The following GSN variants were observed in gnomAD, a reference collection of about 807,000 sequenced individuals.
The protein encoded by GSN is gelsolin.
A neutral mutation model predicts 85.7 loss-of-function variants in GSN; 56 were observed. The ratio of observed to expected loss-of-function variants is 0.65; its 90% confidence interval spans 0.53 to 0.82. The LOEUF is 0.82. Ranked by LOEUF, GSN falls within the 40% of genes least tolerant of loss-of-function variation. GSN has a pLI of 0.00. For missense variants in GSN, 857 were observed against 979.8 expected (o/e 0.87, Z 1.67); for synonymous variants, 373 against 399.1 (o/e 0.93, Z 0.78).
chr9:121,293,884 C>A (rs1013448373), intron 2 of GSN, among the ~76,000 whole-genome samples: 1 of 152,120 alleles, frequency 6.6e-6, no homozygotes, highest in African/African-American at 2.4e-5. Flanking sequence ...TAAATTCACA[C>A]AACTACCCTA....
rs1189233008 is a variant in GSN, at chr9:121,318,723, G to GCTT, written c.1034_1035insCTT (p.Trp345delinsCysLeu). On this transcript the variant is annotated protein_altering_variant, in exon 10 of 18. Coordinates refer to ENST00000432226, the MANE Select transcript of GSN (RefSeq NM_198252.3). The surrounding 1 kb of genome is among the most constrained non-coding windows in gnomAD (Gnocchi z 4.3). ...CTGTTCAAGCAGTTCTTCAAGAACT[G>GCTT]GCGGGACCCAGACCAGACAGATGGC... is the stretch of plus-strand genomic sequence containing the variant. 11 of 1,613,970 alleles carry GCTT rather than the reference G, an allele frequency of 6.8e-6. No homozygotes were observed. Among genetic ancestry groups the GCTT allele is most frequent in the Non-Finnish European group, 8.5e-6 (10 of 1,179,950 alleles).
Position 121,316,936 on chromosome 9 carries a change from G to A in GSN, c.754-150G>A, listed in dbSNP as rs529803300. ...ATGTGGTTCTGACAAAGCAGAAAAC[G>A]AAAAAGAACCTCTAAATGTGTGCGA... On this transcript the variant is annotated intron_variant, in intron 7 of 17. Transcript: ENST00000432226. 115 of 938,038 alleles carry A rather than the reference G, an allele frequency of 1.2e-4. No homozygotes were observed. The South Asian group carries it at 1.3e-3, about 11-fold the overall frequency. The allele number at this position is 938,038 out of a possible 1,614,324, so 58.1% of individuals were successfully genotyped here.
chr9:121,287,910 G>A (rs1300779372), intron 2 of GSN, among the ~76,000 whole-genome samples: 1 of 151,980 alleles, frequency 6.6e-6, no homozygotes, highest in Non-Finnish European at 1.5e-5. Context: ...ACACCCCATA[G>A]CTGACCACGC....
intron 5 of GSN, chr9:121,238,947 G>C: frequency 1.9e-6 from 1 of 536,124 alleles, no homozygotes; most frequent in South Asian, 1.4e-5. Flanking sequence ...CAGACTTCAT[G>C]AACAGTGATA....
intron 6 of GSN, among the ~76,000 whole-genome samples, chr9:121,253,697 C>T (rs1021334790): frequency 6.6e-6 from 1 of 151,792 alleles, no homozygotes; most frequent in African/African-American, 2.4e-5. Flanking sequence ...CAGGAATAGG[C>T]GGTTCTCTCT....
chr9:121,239,552 G>T, intron 5 of GSN: 1 of 283,840 alleles, frequency 3.5e-6, no homozygotes, highest in Non-Finnish European at 7.0e-6. Flanking sequence ...CCCAGCAGCA[G>T]AGAAGATAAA....
Position 121,234,713 on chromosome 9 carries a change from G to A in GSN, c.-389+3410G>A, listed in dbSNP as rs186644897. ...AAAAATAAATGTAGGGTTGGGCATG[G>A]TGCCTCATACCTGTAATCCGAGCAC... On this transcript the variant is annotated intron_variant, in intron 5 of 24. Coordinates refer to the GSN transcript ENST00000373823. Among the ~76,000 whole-genome samples, 15 of 152,326 alleles carry A rather than the reference G, an allele frequency of 9.8e-5. No homozygotes were observed. The East Asian group carries it at 2.9e-3, about 29-fold the overall frequency.
chr9:121,238,751 A>G (rs1243679509), intron 5 of GSN: 1 of 462,244 alleles, frequency 2.2e-6, no homozygotes, highest in Non-Finnish European at 4.4e-6. Flanking sequence ...TGTGATTTTC[A>G]TGAGGACCCT....
At chr9:121,281,159 A>G (rs1052285210) in intron 1 of GSN, 1 of 165,818 alleles carries the variant, frequency 6.0e-6, no homozygotes. Flanking sequence ...CCAAAGAGCC[A>G]TCAGGAAAGA....
At chr9:121,235,652 C>T (rs973791100) in intron 5 of GSN, among the ~76,000 whole-genome samples, 1 of 152,174 alleles carries the variant, frequency 6.6e-6, no homozygotes, top group Non-Finnish European at 1.5e-5. Flanking sequence ...TCTTCTGCAT[C>T]GGTGCAGCTG....
intron 6 of GSN, among the ~76,000 whole-genome samples, chr9:121,253,822 CT>C (rs1168058098): frequency 1.3e-5 from 2 of 152,186 alleles, no homozygotes; most frequent in Non-Finnish European, 2.9e-5. Flanking sequence ...TGAAACCCTT[CT>C]TTGCTGGTTC....
intron 2 of GSN, chr9:121,282,891 A>T (rs748745639): frequency 8.4e-5 from 19 of 226,374 alleles, no homozygotes; most frequent in Non-Finnish European, 1.5e-4. Context: ...GCTGGCATAG[A>T]CCCAGCTGAG....
intron 4 of GSN, among the ~76,000 whole-genome samples, chr9:121,214,556 A>G (rs116180846): frequency 1.3e-5 from 2 of 152,308 alleles, no homozygotes; most frequent in African/African-American, 2.4e-5. Context: ...ATCCTCTTTC[A>G]TGAAGTAAGG....
intron 2 of GSN, chr9:121,286,584 C>T (rs1374931760): frequency 1.3e-6 from 2 of 1,482,284 alleles, no homozygotes; most frequent in Admixed American, 2.2e-5. Flanking sequence ...ATGGGTGCTC[C>T]CTCCTTTGTG....
chr9:121,259,421 G>T (rs1203371852), intron 6 of GSN, among the ~76,000 whole-genome samples: 1 of 152,172 alleles, frequency 6.6e-6, no homozygotes, highest in Non-Finnish European at 1.5e-5. Flanking sequence ...TGCAAGGAGG[G>T]TCCTCTAAAA....
At position 121,286,009 on chromosome 9, in the gene GSN, T is replaced by C. The variant is rs949578146; in HGVS notation, c.-10+4447T>C. ...TGAGGAGAAGAACCATTTCCGGAAC[T>C]GTGTGTGCCTGTGATGCCTGCGGAG... On this transcript the variant is annotated intron_variant, in intron 2 of 17. Coordinates refer to ENST00000432226, the MANE Select transcript of GSN (RefSeq NM_198252.3). The C allele has an allele frequency of 4.4e-6, 4 of 911,182 alleles. 1 individual carries two copies. The South Asian group carries it at 5.7e-5, about 13-fold the overall frequency. 56.4% of individuals were successfully genotyped at this position (911,182 alleles called of 1,614,324 possible). A position where few individuals can be genotyped will look rare whatever the true frequency, so the allele number is the denominator to read the frequency against.
chr9:121,281,611 G>T (rs2057374034), intron 2 of GSN, 49 bp downstream of exon 2: 3 of 471,276 alleles, frequency 6.4e-6, no homozygotes, highest in Non-Finnish European at 1.3e-5. Flanking sequence ...CCCCGCCCTG[G>T]CTGCCCAGGG....
At chr9:121,232,592 A>G (rs2054412969) in intron 5 of GSN, among the ~76,000 whole-genome samples, 1 of 152,240 alleles carries the variant, frequency 6.6e-6, no homozygotes, top group African/African-American at 2.4e-5. Context: ...AGGACTACCC[A>G]TTTAACAAAT....
At position 121,226,361 on chromosome 9, in the gene GSN, G is replaced by T. The variant is rs529170821; in HGVS notation, c.-527-4804G>T. Among the ~76,000 whole-genome samples, 107 of 152,324 alleles carry T rather than the reference G, an allele frequency of 7.0e-4. 1 individual carries two copies. Among genetic ancestry groups the T allele is most frequent in the African/African-American group, 2.3e-3 (95 of 41,578 alleles). On this transcript the variant is annotated intron_variant, in intron 4 of 24. Coordinates refer to the GSN transcript ENST00000373823. Reference sequence around the variant, plus strand: ...CAAAAACAAATTATTTAGAATTGAAGGAAAGCTATGAGGAAAAGCAACCCA... The same window carrying T: ...CAAAAACAAATTATTTAGAATTGAATGAAAGCTATGAGGAAAAGCAACCCA...
Sources: allele counts gnomAD v4.1 joint callset (sites outside exome capture counted in the v4.1 genomes callset), GRCh38; gene constraint gnomAD v4.1.1; non-coding constraint Gnocchi (gnomAD v3.1); transcripts MANE v1.5; gene names NCBI Gene and HGNC (gene_info 2026-07-23, HGNC 2026-07-21).